The following EEF1A1 variants were observed in gnomAD, a reference collection of about 807,000 sequenced individuals.
The protein encoded by EEF1A1 is eukaryotic translation elongation factor 1 alpha 1, also known as elongation factor 1-alpha 1.
Under a neutral mutation model 38.5 loss-of-function variants are expected in EEF1A1, and 1 was observed. The ratio of observed to expected loss-of-function variants is 0.03; its 90% CI spans 0.01 to 0.12. The LOEUF is 0.12. Among genes scored for constraint, EEF1A1 ranks in the 10% least tolerant of loss-of-function variants. EEF1A1 has a pLI of 1.00. For missense variants in EEF1A1, 184 were observed against 588.3 expected, an observed-to-expected ratio of 0.31 and a Z score of 7.11; for synonymous variants, 229 against 203.7, an observed-to-expected ratio of 1.12 and a Z score of -1.06.
intron 1 of EEF1A1, 150 bp from the exon 2 acceptor site, chr6:73,520,206 CCATCG>C: frequency 1.5e-6 from 1 of 682,674 alleles, no homozygotes; most frequent in Non-Finnish European, 2.4e-6. Flanking sequence ...TGGGGAAACT[CCATCG>C]CATAAAACCC....
chr6:73,519,808 C>G, intron 2 of EEF1A1, 75 bp downstream of exon 2: 1 of 1,590,196 alleles, frequency 6.3e-7, no homozygotes, highest in South Asian at 1.1e-5. Flanking sequence ...CTCACTAGTT[C>G]TGGGGAAATC....
chr6:73,520,458 G>C (rs971577949), intron 1 of EEF1A1: 1 of 159,116 alleles, frequency 6.3e-6, no homozygotes, highest in Non-Finnish European at 1.4e-5. Context: ...GGTGCCGACC[G>C]GGCCAGCCTT....
At chr6:73,519,594 T>TAG (rs1384564183) in intron 2 of EEF1A1, 78 bp from the exon 3 acceptor site, 1 of 1,454,672 alleles carries the variant, frequency 6.9e-7, no homozygotes, top group Admixed American at 2.1e-5. Context: ...AGCCCTTAAT[T>TAG]GGCAGTTTCC....
chr6:73,520,137 C>T, intron 1 of EEF1A1, 81 bp from the exon 2 acceptor site: 2 of 1,364,242 alleles, frequency 1.5e-6, no homozygotes, highest in South Asian at 2.8e-5. Context: ...AGGGCAAATT[C>T]CAAGGAGAAT....
rs761013523 is a variant in EEF1A1, at chr6:73,520,073, A to C, written c.-30-17T>G. The C allele has an allele frequency of 5.1e-6, 8 of 1,572,350 alleles. No homozygotes were observed. The highest frequency in any genetic ancestry group is 1.9e-5 in the Admixed American group (1 of 53,472). ...TCACGACACCTGAAATGGAAGAAAA[A>C]AACTTTGAACCACTGTCTGAGGCTT... is the stretch of plus-strand genomic sequence containing the variant. On this transcript the variant is annotated splice_polypyrimidine_tract_variant and intron_variant, in intron 1 of 7. Transcript: ENST00000309268.
chr6:73,518,680 T>C lies in EEF1A1; in HGVS notation c.772+18A>G. On this transcript the variant is annotated intron_variant, in intron 5 of 7. Transcript: ENST00000309268. ...TACTCTATCAACTCAAATTCAACTT[T>C]GTTTACAGCCAACTTACCACCAATT... 1.2e-6 allele frequency: 2 copies of C among 1,613,464 alleles called. No individual in the cohort carries two copies. The highest frequency in any genetic ancestry group is 1.7e-6 in the Non-Finnish European group (2 of 1,179,736).
At chr6:73,518,287 A>G (rs750064090) in intron 6 of EEF1A1, 23 bp from the exon 7 acceptor site, 2 of 1,610,982 alleles carry the variant, frequency 1.2e-6, no homozygotes, top group Admixed American at 3.3e-5. Context: ...ATTTGCATTC[A>G]GTGCAAATCC....
At chr6:73,519,292 A>T (rs373647495) in intron 3 of EEF1A1, 45 bp downstream of exon 3, 9 of 1,607,016 alleles carry the variant, frequency 5.6e-6, no homozygotes, top group Non-Finnish European at 6.8e-6. Context: ...TGTACAAAGC[A>T]AGCCTTTTGG....
In EEF1A1 at chr6:73,516,260, A is replaced by G. The variant is rs1352510870; in HGVS notation, c.*1550T>C. 1 of 152,204 alleles carries G rather than the reference A, an allele frequency of 6.6e-6. No homozygotes were observed. Among genetic ancestry groups the G allele is most frequent in the African/African-American group, 2.4e-5 (1 of 41,450 alleles). The allele number at this position is 152,204 out of a possible 1,614,324, so 9.4% of individuals were successfully genotyped here. ...TGAATCTTGAGCAATACACATTGCC[A>G]GTCACTTTAAGAGGCCTTATCTCTT... On this transcript the variant is annotated 3_prime_UTR_variant, in exon 8 of 8. Transcript: ENST00000309268.
Position 73,517,039 on chromosome 6 carries a change from GCT to G in EEF1A1, c.*769_*770del, listed in dbSNP as rs1035715002. ...TGTGAAACCATCAAACTGGCATAAAGCTTACTCCACTGACTTCAAAATGGACC... is the reference window on the plus strand; with the variant it reads ...TGTGAAACCATCAAACTGGCATAAAGTACTCCACTGACTTCAAAATGGACC... On this transcript the variant is annotated 3_prime_UTR_variant, in exon 8 of 8. Transcript: ENST00000309268. 1 of 152,152 alleles carries G rather than the reference GCT, an allele frequency of 6.6e-6. No individual in the cohort carries two copies. Among genetic ancestry groups the G allele is most frequent in the Non-Finnish European group, 1.5e-5 (1 of 68,062 alleles). 9.4% of individuals were successfully genotyped at this position (152,152 alleles called of 1,614,324 possible).
At chr6:73,520,220 C>A (rs1765619507) in intron 1 of EEF1A1, 164 bp from the exon 2 acceptor site, 1 of 614,964 alleles carries the variant, frequency 1.6e-6, no homozygotes, top group African/African-American at 1.9e-5. Context: ...CGCATAAAAC[C>A]CCTCCCCCCA....
chr6:73,518,342 T>C lies in EEF1A1; in HGVS notation c.1029+12A>G. The C allele has an allele frequency of 6.2e-7, 1 of 1,612,552 alleles. No individual in the cohort carries two copies. The stretch of plus-strand genomic sequence containing the variant: ...GCCTCTGCAATAAGTTAATGTTACT[T>C]TAAATTGTTACCTGAGCAGTGAAGC... On this transcript the variant is annotated intron_variant, in intron 6 of 7. Coordinates refer to ENST00000309268, the MANE Select transcript of EEF1A1 (RefSeq NM_001402.6).
Position 73,519,241 on chromosome 6 carries a change from CAA to C in EEF1A1, c.325-15_325-14del. On this transcript the variant is annotated splice_polypyrimidine_tract_variant and intron_variant, in intron 3 of 7. Coordinates refer to ENST00000309268, the MANE Select transcript of EEF1A1 (RefSeq NM_001402.6). Reference sequence around the variant, plus strand: ...CAGCACAGTCAGCCTTTAAAGAAAGCAAAGACATATCCCTGTCAACTCTCCAA... The same window carrying C: ...CAGCACAGTCAGCCTTTAAAGAAAGCAGACATATCCCTGTCAACTCTCCAA... 2 of 1,607,666 alleles carry C rather than the reference CAA, an allele frequency of 1.2e-6. No homozygotes were observed. The highest frequency in any genetic ancestry group is 8.5e-7 in the Non-Finnish European group (1 of 1,177,560).
rs931974086 is a variant in EEF1A1, at chr6:73,516,421, CCAA to C, written c.*1386_*1388del. On this transcript the variant is annotated 3_prime_UTR_variant, in exon 8 of 8. Transcript: ENST00000309268. ...GGTCAGGAGTTTGAGACCAGCCTGA[CCAA>C]CATGGAAAAACCTCATCTCTATTAA... 1.3e-5 allele frequency: 2 copies of C among 151,842 alleles called. No individual in the cohort carries two copies. Among genetic ancestry groups the C allele is most frequent in the African/African-American group, 4.8e-5 (2 of 41,320 alleles). 9.4% of individuals were successfully genotyped at this position (151,842 alleles called of 1,614,324 possible).
Position 73,519,940 on chromosome 6 carries a change from A to G in EEF1A1, c.87T>C (p.Tyr29=), listed in dbSNP as rs1243376584. The G allele has an allele frequency of 1.2e-6, 2 of 1,610,038 alleles. No homozygotes were observed. Among genetic ancestry groups the G allele is most frequent in the African/African-American group, 2.7e-5 (2 of 74,904 alleles). ...TTCTTTTGTCGATGCCACCGCATTT[A>G]TAGATCAGATGGCCAGTAGTGGTGG... ...GKSTTTGHLI[Y]KCGGIDKRTI... The change falls in exon 2 of 8, where the codon TAT becomes TAC. Residue 29 remains tyrosine (Y), a synonymous_variant. Transcript: ENST00000309268.
intron 1 of EEF1A1, 105 bp from the exon 2 acceptor site, chr6:73,520,161 A>T: frequency 9.0e-7 from 1 of 1,116,112 alleles, no homozygotes; most frequent in Non-Finnish European, 1.2e-6. Flanking sequence ...ATCAAGTGCC[A>T]AGCTGGCCTA....
chr6:73,519,049 C>T lies in EEF1A1; in HGVS notation c.504G>A (p.Glu168=), dbSNP rs755582392. 6 of 1,608,930 alleles carry T rather than the reference C, an allele frequency of 3.7e-6. No individual in the cohort carries two copies. The highest frequency in any genetic ancestry group is 1.1e-5 in the South Asian group (1 of 90,984). Residue 168 remains glutamate, a synonymous_variant, in exon 4 of 8, where the codon GAG becomes GAA. Transcript: ENST00000309268. ...AAGTGCTGACTTCCTTAACAATTTC[C>T]TCATATCTCTTCTGGCTGTAGGGTG... is the stretch of plus-strand genomic sequence containing the variant. ...TEPPYSQKRY[E]EIVKEVSTYI...
rs1270255201 is a variant in EEF1A1 at position 73,518,626 on chromosome 6, G to T, written c.773-16C>A. 1 of 1,613,002 alleles carries T rather than the reference G, an allele frequency of 6.2e-7. No individual in the cohort carries two copies. The highest frequency in any genetic ancestry group is 8.5e-7 in the Non-Finnish European group (1 of 1,179,200). ...GTACCAATACCTAAAAATATTTACA[G>T]CATACTAAATACCTATGAAGGCAGA... On this transcript the variant is annotated splice_polypyrimidine_tract_variant and intron_variant, in intron 5 of 7. Coordinates refer to ENST00000309268, the MANE Select transcript of EEF1A1 (RefSeq NM_001402.6).
chr6:73,517,688 T>C lies in EEF1A1; in HGVS notation c.*122A>G. On this transcript the variant is annotated 3_prime_UTR_variant, in exon 8 of 8. Transcript: ENST00000309268. ...TCCTTTCCTTCTGAAGGTTTTACGA[T>C]GCATTGTTATCATTAACCAGTCTTT... 5.5e-6 allele frequency: 3 copies of C among 541,188 alleles called. No homozygotes were observed. Among genetic ancestry groups the C allele is most frequent in the Non-Finnish European group, 9.7e-6 (3 of 310,702 alleles). The allele number at this position is 541,188 out of a possible 1,614,324, so 33.5% of individuals were successfully genotyped here.
Sources: gnomAD v4.1 joint callset for allele counts on GRCh38, gnomAD v4.1.1 for gene constraint, MANE v1.5 for transcripts, NCBI Gene and HGNC (gene_info 2026-07-23, HGNC 2026-07-21) for gene names.